Variants in TDRP observed in about 807,000 individuals in gnomAD.
The protein encoded by TDRP is testis development-related protein.
Under a neutral mutation model 10.5 loss-of-function variants are expected in TDRP, and 12 were observed. The observed-to-expected ratio is 1.15, with a 90% CI of 0.73 to 1.86. The LOEUF is 1.86. Ranked by LOEUF, TDRP falls within the 40% of genes most tolerant of loss-of-function variation. TDRP has a pLI of 0.00. For missense variants in TDRP, 353 were observed against 229.2 expected, an observed-to-expected ratio of 1.54 and a Z score of -3.49; for synonymous variants, 139 against 95.4, an observed-to-expected ratio of 1.46 and a Z score of -2.67.
intron 1 of TDRP, among the ~76,000 whole-genome samples, chr8:521,589 A>G (rs1271934102): frequency 1.3e-5 from 2 of 152,152 alleles, no homozygotes; most frequent in African/African-American, 4.8e-5. Context: ...CCATTGTTCT[A>G]TATGTCCGTG....
At chr8:507,648 C>T (rs1172316900) in intron 1 of TDRP, among the ~76,000 whole-genome samples, 2 of 152,186 alleles carry the variant, frequency 1.3e-5, no homozygotes, top group African/African-American at 4.8e-5. Context: ...CTAAATTACA[C>T]CACTGGGGGC....
At chr8:494,673 T>C (rs1277430786) in intron 1 of TDRP, 76 bp from the exon 2 acceptor site, 13 of 1,332,128 alleles carry the variant, frequency 9.8e-6, no homozygotes, top group Non-Finnish European at 1.4e-5. Flanking sequence ...CCAATAACCA[T>C]GGAGTTGAAA....
chr8:492,272 G>C lies in TDRP; in HGVS notation c.*127C>G, dbSNP rs1403174829. ...AGAGTTCATTAAATAAAGAAACAGA[G>C]GTCCAAATATCAAATATAGGCAAAA... On this transcript the variant is annotated 3_prime_UTR_variant, in exon 3 of 3. Coordinates refer to ENST00000324079, the MANE Select transcript of TDRP (RefSeq NM_001384899.1). 7.5e-6 allele frequency: 10 copies of C among 1,337,020 alleles called. No homozygotes were observed. The highest frequency in any genetic ancestry group is 9.6e-6 in the Non-Finnish European group (10 of 1,045,514). The allele number at this position is 1,337,020 out of a possible 1,614,324, so 82.8% of individuals were successfully genotyped here. A position where few individuals can be genotyped will look rare whatever the true frequency, so the allele number is the denominator to read the frequency against.
chr8:534,870 A>G (rs1030451559), intron 1 of TDRP, among the ~76,000 whole-genome samples: 4 of 152,162 alleles, frequency 2.6e-5, no homozygotes, highest in African/African-American at 9.7e-5. Context: ...CAATAGCTGT[A>G]AAGCACTCAC....
intron 2 of TDRP, among the ~76,000 whole-genome samples, chr8:492,948 T>C (rs1223944184): frequency 3.9e-5 from 6 of 152,218 alleles, no homozygotes; most frequent in Admixed American, 2.0e-4. Flanking sequence ...AGCCACATTT[T>C]AGGACACCAC....
At chr8:499,428 C>T (rs541568691) in intron 1 of TDRP, among the ~76,000 whole-genome samples, 1 of 152,282 alleles carries the variant, frequency 6.6e-6, no homozygotes, top group Non-Finnish European at 1.5e-5. Flanking sequence ...ACACCACTGT[C>T]CCTGTAGCAC....
At position 507,965 on chromosome 8, in the gene TDRP, T is replaced by C. The variant is rs112934427; in HGVS notation, c.109-13368A>G. On this transcript the variant is annotated intron_variant, in intron 1 of 2. Coordinates refer to ENST00000324079, the MANE Select transcript of TDRP (RefSeq NM_001384899.1). The stretch of plus-strand genomic sequence containing the variant: ...AGTGTCCTGTTTCAACAGAAAGTTT[T>C]GAGGCAGCCAAAGAAAAAGGAAGAC... Among the ~76,000 whole-genome samples, 539 of 152,244 alleles carry C rather than the reference T, an allele frequency of 3.5e-3. 4 individuals carry two copies. The highest frequency in any genetic ancestry group is 0.012 in the African/African-American group (511 of 41,554).
At chr8:512,277 A>G (rs1038625063) in intron 1 of TDRP, among the ~76,000 whole-genome samples, 1 of 151,780 alleles carries the variant, frequency 6.6e-6, no homozygotes, top group Admixed American at 6.6e-5. Context: ...CAACAACAAA[A>G]AAAAAAATGA....
intron 1 of TDRP, among the ~76,000 whole-genome samples, chr8:537,573 C>T (rs1291766781): frequency 6.6e-6 from 1 of 152,186 alleles, no homozygotes; most frequent in Non-Finnish European, 1.5e-5. Context: ...GCAGGACAGC[C>T]TGGTTTGCAC....
At chr8:493,243 G>A (rs764054554) in intron 2 of TDRP, among the ~76,000 whole-genome samples, 4 of 152,206 alleles carry the variant, frequency 2.6e-5, no homozygotes, top group Admixed American at 6.5e-5. Flanking sequence ...GGTAGCAAGC[G>A]ACAGCTAGGG....
At chr8:512,273 CAAA>C (rs144049138) in intron 1 of TDRP, among the ~76,000 whole-genome samples, 2 of 102,936 alleles carry the variant, frequency 1.9e-5, no homozygotes, top group African/African-American at 6.0e-5. Context: ...ACAACAACAA[CAAA>C]AAAAAAAATG....
chr8:504,079 C>G (rs1801385975), intron 1 of TDRP, among the ~76,000 whole-genome samples: 1 of 152,126 alleles, frequency 6.6e-6, no homozygotes, highest in South Asian at 2.1e-4. Context: ...CAGCAAGCAC[C>G]AACACGGAAT....
At chr8:493,388 C>T (rs139565863) in intron 2 of TDRP, among the ~76,000 whole-genome samples, 128 of 152,336 alleles carry the variant, frequency 8.4e-4, no homozygotes, top group African/African-American at 3.0e-3. Flanking sequence ...ACCAGGGAAC[C>T]GGTTTACCCA....
At chr8:507,657 G>A (rs973524553) in intron 1 of TDRP, among the ~76,000 whole-genome samples, 4 of 152,184 alleles carry the variant, frequency 2.6e-5, no homozygotes, top group Non-Finnish European at 4.4e-5. Context: ...ACCACTGGGG[G>A]CAGGGTGGAG....
intron 1 of TDRP, among the ~76,000 whole-genome samples, chr8:507,380 T>C (rs908079948): frequency 2.0e-5 from 3 of 152,150 alleles, no homozygotes; most frequent in African/African-American, 7.2e-5. Flanking sequence ...GAAGGATCCT[T>C]CTTGGGGTCA....
intron 1 of TDRP, among the ~76,000 whole-genome samples, chr8:499,508 A>G (rs1427189395): frequency 6.6e-6 from 1 of 152,164 alleles, no homozygotes; most frequent in Non-Finnish European, 1.5e-5. Flanking sequence ...CAGCTTCCTG[A>G]GCCCCTGCTC....
In TDRP at chr8:492,479, G is replaced by C; in HGVS notation, c.478C>G (p.Leu160Val). ...CTCACCAGCCTCCCTGCCGCGCGCA[G>C]GCTCCACCTGGAGCTGTTGGCAGAG... Reference protein sequence around the residue: ...ASSANSSRWSLRAAGRLVSIR... With the variant: ...ASSANSSRWSVRAAGRLVSIR... The change falls in exon 3 of 3, where the codon CTG (leucine) becomes GTG (valine). Residue 160 changes from leucine (L) to valine (V), a missense_variant. By Grantham distance (32) the Leu-to-Val change is conservative. Coordinates refer to ENST00000324079, the MANE Select transcript of TDRP (RefSeq NM_001384899.1). The C allele has an allele frequency of 6.2e-7, 1 of 1,608,914 alleles. No homozygotes were observed. The highest frequency in any genetic ancestry group is 1.1e-5 in the South Asian group (1 of 90,642).
intron 1 of TDRP, among the ~76,000 whole-genome samples, chr8:502,365 G>C (rs1306382545): frequency 6.6e-6 from 1 of 152,210 alleles, no homozygotes; most frequent in Admixed American, 6.5e-5. Flanking sequence ...TCAGGCCACA[G>C]GAAGGCCCGC....
intron 1 of TDRP, among the ~76,000 whole-genome samples, chr8:533,065 G>T (rs1252993986): frequency 1.3e-5 from 2 of 152,182 alleles, no homozygotes; most frequent in Non-Finnish European, 2.9e-5. Flanking sequence ...TGGGACCCAG[G>T]CCTGCCTCCA....
Sources: allele counts gnomAD v4.1 joint callset (sites outside exome capture counted in the v4.1 genomes callset), GRCh38; gene constraint gnomAD v4.1.1; transcripts MANE v1.5; gene names NCBI Gene and HGNC (gene_info 2026-07-23, HGNC 2026-07-21).